The following PNPLA4 variants were observed in gnomAD, a reference collection of about 807,000 sequenced individuals.
PNPLA4 encodes patatin like domain 4, phospholipase and triacylglycerol lipase.
In PNPLA4, 15 loss-of-function variants were observed where a neutral mutation model predicts 18.3. That is an observed-to-expected ratio of 0.82 (90% confidence interval 0.55 to 1.26). The LOEUF (loss-of-function observed/expected upper bound fraction) is 1.26. Ranked by LOEUF, PNPLA4 falls within the 50% of genes most tolerant of loss-of-function variation. The pLI is 0.00. For synonymous variants in PNPLA4, 88 were observed against 85.6 expected (o/e 1.03, Z -0.16); for missense variants, 229 against 196.8 (o/e 1.16, Z -0.98).
chrX:7,907,321 C>T (rs1206396130), intron 5 of PNPLA4, among the ~76,000 whole-genome samples: 1 of 112,275 alleles, frequency 8.9e-6, no homozygotes, highest in African/African-American at 3.2e-5. Flanking sequence ...GCCCAGCCAA[C>T]CCTACAGCTT....
intron 5 of PNPLA4, among the ~76,000 whole-genome samples, chrX:7,903,449 G>A (rs1044573254): frequency 9.1e-6 from 1 of 110,466 alleles, no homozygotes; most frequent in African/African-American, 3.3e-5. Flanking sequence ...ACAGGCGCCC[G>A]CCACCATGCC....
At chrX:7,912,870 T>C (rs1923920987) in intron 4 of PNPLA4, among the ~76,000 whole-genome samples, 2 of 112,283 alleles carry the variant, frequency 1.8e-5, no homozygotes, top group African/African-American at 6.5e-5. Context: ...TTGTCAAAGA[T>C]TTCATGAGTT....
At chrX:7,915,020 T>A (rs1187829544) in intron 4 of PNPLA4, among the ~76,000 whole-genome samples, 1 of 112,107 alleles carries the variant, frequency 8.9e-6, no homozygotes, top group East Asian at 2.8e-4. Context: ...TAGCTTTAGA[T>A]AGTTAAGAGC....
At chrX:7,925,513 C>A (rs1406615720) in intron 2 of PNPLA4, among the ~76,000 whole-genome samples, 1 of 112,315 alleles carries the variant, frequency 8.9e-6, no homozygotes, top group Non-Finnish European at 1.9e-5. Flanking sequence ...CTATACCATT[C>A]CACTTAATAG....
intron 4 of PNPLA4, among the ~76,000 whole-genome samples, chrX:7,912,954 T>C (rs927515919): frequency 1.8e-5 from 2 of 111,834 alleles, no homozygotes; most frequent in African/African-American, 6.5e-5. Context: ...CTTACAATTA[T>C]TTAGAACTCA....
intron 5 of PNPLA4, among the ~76,000 whole-genome samples, chrX:7,910,237 A>G (rs924337481): frequency 3.6e-5 from 4 of 111,701 alleles, no homozygotes; most frequent in Non-Finnish European, 5.6e-5. Flanking sequence ...ACTAGAGAGA[A>G]AAGAAAAAAT....
intron 4 of PNPLA4, among the ~76,000 whole-genome samples, chrX:7,920,910 G>A (rs914214034): frequency 8.9e-6 from 1 of 112,633 alleles, no homozygotes; most frequent in Non-Finnish European, 1.9e-5. Context: ...CCACTGCCAC[G>A]CAGGATAATC....
chrX:7,921,749 TAA>T lies in PNPLA4; in HGVS notation c.373_374del (p.Leu125SerfsTer12). 1 of 1,209,388 alleles carries T rather than the reference TAA, an allele frequency of 8.3e-7. No individual in the cohort carries two copies. Among genetic ancestry groups the T allele is most frequent in the Non-Finnish European group, 1.1e-6 (1 of 893,318 alleles). On this transcript the variant is annotated frameshift_variant, in exon 4 of 7. Coordinates refer to ENST00000381042, the MANE Select transcript of PNPLA4 (RefSeq NM_004650.3). Reference protein sequence around the residue: ...ITNAKTRENHLVSTFSSREDL... With the variant: ...ITNAKTRENHXVSTFSSREDL... Reference sequence around the variant, plus strand: ...CCTCCCTGGAGGAAAAAGTGGAGACTAAGTGATTTTCTCTGGTTTTGGCGTTG... The same window carrying T: ...CCTCCCTGGAGGAAAAAGTGGAGACTGTGATTTTCTCTGGTTTTGGCGTTG...
intron 4 of PNPLA4, among the ~76,000 whole-genome samples, chrX:7,919,172 A>C (rs1382434852): frequency 8.8e-6 from 1 of 113,033 alleles, no homozygotes. Context: ...CAAAGGAACT[A>C]GAAAAACGTC....
intron 5 of PNPLA4, among the ~76,000 whole-genome samples, chrX:7,906,669 G>T (rs1040526524): frequency 1.8e-5 from 2 of 112,314 alleles, no homozygotes; most frequent in Admixed American, 1.9e-4. Flanking sequence ...TGGTGGCAAG[G>T]CCAGCTACCA....
chrX:7,916,520 T>C (rs1601649014), intron 4 of PNPLA4, among the ~76,000 whole-genome samples: 1 of 111,197 alleles, frequency 9.0e-6, no homozygotes, highest in East Asian at 2.8e-4. Context: ...TGGTGTGTAC[T>C]TAAGAGCTGA....
At chrX:7,907,645 T>C (rs1923747564) in intron 5 of PNPLA4, among the ~76,000 whole-genome samples, 1 of 112,112 alleles carries the variant, frequency 8.9e-6, no homozygotes, top group African/African-American at 3.2e-5. Context: ...CTATAAGGTA[T>C]CAAAATAGTC....
At position 7,909,627 on chromosome X, in the gene PNPLA4, G is replaced by A. The variant is rs1923813018; in HGVS notation, c.477+2401C>T. Among the ~76,000 whole-genome samples the A allele has an allele frequency of 3.6e-5, 4 of 110,415 alleles. No homozygotes were observed. The South Asian group carries it at 1.6e-3, about 43-fold the overall frequency. On this transcript the variant is annotated intron_variant, in intron 5 of 6. Transcript: ENST00000381042. The stretch of plus-strand genomic sequence containing the variant: ...ATATCGAGGGCAGGCTGGTAAGGTA[G>A]ACTCCTCAAATCATTTAGGACCTGG...
intron 5 of PNPLA4, among the ~76,000 whole-genome samples, chrX:7,902,363 G>GT (rs1923568067): frequency 8.9e-6 from 1 of 111,964 alleles, no homozygotes; most frequent in South Asian, 3.7e-4. Context: ...ATTATTGTCT[G>GT]TAAGACTTGA....
rs1258987682 is a variant in PNPLA4 at position 7,899,933 on chromosome X, T to C, written c.*753A>G. 5 of 111,772 alleles carry C rather than the reference T, an allele frequency of 4.5e-5. No individual in the cohort carries two copies. The highest frequency in any genetic ancestry group is 1.6e-4 in the African/African-American group (5 of 30,759). The allele number at this position is 111,772 out of a possible 1,213,427, so 9.2% of individuals were successfully genotyped here. ...TGGGAGGGACCCAGTGGGAGGTAACTGAATCATGGAGGCAGGTCTTTCCCA... is the reference window on the plus strand; with the variant it reads ...TGGGAGGGACCCAGTGGGAGGTAACCGAATCATGGAGGCAGGTCTTTCCCA... On this transcript the variant is annotated 3_prime_UTR_variant, in exon 7 of 7. Transcript: ENST00000381042.
chrX:7,927,100 GC>G (rs1400740918), intron 1 of PNPLA4, among the ~76,000 whole-genome samples, 185 bp downstream of exon 1: 1 of 113,178 alleles, frequency 8.8e-6, no homozygotes, highest in Admixed American at 9.2e-5. Context: ...CCGGGGTCAA[GC>G]CCCAGTTTTG....
intron 4 of PNPLA4, among the ~76,000 whole-genome samples, chrX:7,921,459 G>A (rs1427104172): frequency 1.8e-5 from 2 of 111,686 alleles, no homozygotes; most frequent in Non-Finnish European, 3.8e-5. Context: ...CATAATCAAC[G>A]TGAGATCTGA....
At chrX:7,927,518 A>G (rs1466351687), upstream of PNPLA4, 2 of 113,540 alleles carry the variant, frequency 1.8e-5, no homozygotes, top group Non-Finnish European at 3.7e-5. Flanking sequence ...TTCTGGACTC[A>G]ACCTGGCCGC....
chrX:7,914,544 T>C (rs1217845872), intron 4 of PNPLA4, among the ~76,000 whole-genome samples: 4 of 112,363 alleles, frequency 3.6e-5, no homozygotes, highest in African/African-American at 1.3e-4. Flanking sequence ...AATGTAGCTA[T>C]TTAATGAAGT....
Sources: allele counts gnomAD v4.1 joint callset (sites outside exome capture counted in the v4.1 genomes callset), GRCh38; gene constraint gnomAD v4.1.1; transcripts MANE v1.5; gene names NCBI Gene and HGNC (gene_info 2026-07-23, HGNC 2026-07-21).